KCNH8: variants seen among roughly 807,000 people sequenced by gnomAD.
The protein encoded by KCNH8 is voltage-gated delayed rectifier potassium channel KCNH8.
Under a neutral mutation model 103.6 loss-of-function variants are expected in KCNH8, and 70 were observed. That is an observed-to-expected ratio of 0.68 (90% CI 0.56 to 0.82). The LOEUF is 0.82. KCNH8 is among the 40% of genes least tolerant of loss of function. The pLI is 0.00. For synonymous variants in KCNH8, 498 were observed against 489.4 expected (o/e 1.02, Z -0.23); for missense variants, 1,217 against 1,329.9 (o/e 0.92, Z 1.32).
chr3:19,322,922 A>G (rs2065369176), intron 3 of KCNH8, among the ~76,000 whole-genome samples: 1 of 151,982 alleles, frequency 6.6e-6, no homozygotes, highest in Admixed American at 6.6e-5. Context: ...GGCTTGGGTT[A>G]ATTCAAATGC....
intron 3 of KCNH8, among the ~76,000 whole-genome samples, chr3:19,283,113 T>C (rs2064778681): frequency 6.6e-6 from 1 of 152,110 alleles, no homozygotes. Context: ...AATCAAATTA[T>C]ATTCTTCTTC....
At chr3:19,226,433 G>A (rs1306587604) in intron 1 of KCNH8, among the ~76,000 whole-genome samples, 1 of 152,140 alleles carries the variant, frequency 6.6e-6, no homozygotes, top group African/African-American at 2.4e-5. Context: ...TAATAAGCAA[G>A]GTCATCAGAA....
intron 1 of KCNH8, among the ~76,000 whole-genome samples, chr3:19,226,239 C>G (rs529516665): frequency 6.6e-6 from 1 of 152,196 alleles, no homozygotes; most frequent in Non-Finnish European, 1.5e-5. Flanking sequence ...GTGTCTACTA[C>G]AGTTAGCTAT....
At chr3:19,524,664 G>T (rs1173292301) in intron 15 of KCNH8, among the ~76,000 whole-genome samples, 1 of 151,886 alleles carries the variant, frequency 6.6e-6, no homozygotes, top group Non-Finnish European at 1.5e-5. Context: ...AACTTTTGGA[G>T]ACTGGTTGTT....
chr3:19,216,058 G>A (rs1260037281), intron 1 of KCNH8, among the ~76,000 whole-genome samples: 1 of 152,208 alleles, frequency 6.6e-6, no homozygotes, highest in African/African-American at 2.4e-5. Flanking sequence ...ATGGGTTCAA[G>A]AAACCTAGTT....
intron 1 of KCNH8, among the ~76,000 whole-genome samples, chr3:19,231,246 T>C (rs2063991425): frequency 6.6e-6 from 1 of 152,170 alleles, no homozygotes; most frequent in Admixed American, 6.5e-5. Flanking sequence ...GATTAAAATG[T>C]ACTATGTTTT....
At chr3:19,452,125 C>T (rs1001087319) in intron 10 of KCNH8, among the ~76,000 whole-genome samples, 2 of 152,084 alleles carry the variant, frequency 1.3e-5, no homozygotes, top group South Asian at 4.1e-4. Flanking sequence ...TGGCTCATGC[C>T]TGTAATCCTA....
intron 1 of KCNH8, among the ~76,000 whole-genome samples, chr3:19,233,302 A>G (rs1012302369): frequency 6.6e-6 from 1 of 152,162 alleles, no homozygotes; most frequent in Non-Finnish European, 1.5e-5. Flanking sequence ...TAGAAACATG[A>G]AACAATTGGA....
At position 19,347,865 on chromosome 3, in the gene KCNH8, G is replaced by T; in HGVS notation, c.711G>T (p.Val237=). Residue 237 remains valine, a synonymous_variant, in exon 5 of 16, where the codon GTG becomes GTT. Transcript: ENST00000328405. ...TGTTGGCAACGTTTTATGTTGCTGT[G>T]ACTGTACCTTACAACGTTTGCTTTA... ...LILLATFYVA[V]TVPYNVCFIG... 6.2e-7 allele frequency: 1 copy of T among 1,613,416 alleles called. No homozygotes were observed. The highest frequency in any genetic ancestry group is 2.2e-5 in the East Asian group (1 of 44,848).
chr3:19,188,709 T>G (rs2063524931), intron 1 of KCNH8, among the ~76,000 whole-genome samples: 1 of 152,156 alleles, frequency 6.6e-6, no homozygotes, highest in Non-Finnish European at 1.5e-5. Flanking sequence ...GAATGTTTTA[T>G]GTTAAAATAA....
intron 1 of KCNH8, among the ~76,000 whole-genome samples, chr3:19,229,122 C>T (rs2063965093): frequency 6.6e-6 from 1 of 152,086 alleles, no homozygotes; most frequent in Non-Finnish European, 1.5e-5. Flanking sequence ...TAAGTATTAC[C>T]CATTATTTGA....
chr3:19,234,542 G>A (rs1448950604), intron 1 of KCNH8, among the ~76,000 whole-genome samples: 1 of 152,218 alleles, frequency 6.6e-6, no homozygotes, highest in Non-Finnish European at 1.5e-5. Flanking sequence ...CGAGTGCGGG[G>A]TCCGCGAGCC....
chr3:19,302,499 C>T (rs951504503), intron 3 of KCNH8, among the ~76,000 whole-genome samples: 15 of 152,132 alleles, frequency 9.9e-5, no homozygotes, highest in Non-Finnish European at 2.2e-4. Flanking sequence ...AAGACCATTT[C>T]ATCATGCTTG....
intron 2 of KCNH8, among the ~76,000 whole-genome samples, chr3:19,263,482 G>A (rs1231576035): frequency 6.6e-6 from 1 of 152,096 alleles, no homozygotes; most frequent in Non-Finnish European, 1.5e-5. Flanking sequence ...AAATGCACCT[G>A]TTTGGCAGGT....
chr3:19,176,215 C>T (rs774485929), intron 1 of KCNH8, among the ~76,000 whole-genome samples: 13 of 152,050 alleles, frequency 8.5e-5, no homozygotes, highest in Admixed American at 1.3e-4. Context: ...CTGAAAGAGA[C>T]CTGAATAATT....
At chr3:19,162,303 G>A (rs1284071583) in intron 1 of KCNH8, among the ~76,000 whole-genome samples, 1 of 151,222 alleles carries the variant, frequency 6.6e-6, no homozygotes, top group African/African-American at 2.4e-5. Flanking sequence ...CTTGAGGCCA[G>A]GAGTTCGAGA....
intron 3 of KCNH8, among the ~76,000 whole-genome samples, chr3:19,326,119 G>C (rs2065419909): frequency 6.6e-6 from 1 of 151,994 alleles, no homozygotes; most frequent in African/African-American, 2.4e-5. Flanking sequence ...TTACTCATAA[G>C]TGGGAGCTAA....
At chr3:19,479,387 C>T (rs2068042186) in intron 11 of KCNH8, among the ~76,000 whole-genome samples, 2 of 152,208 alleles carry the variant, frequency 1.3e-5, no homozygotes, top group South Asian at 4.2e-4. Flanking sequence ...ATCATCAGTT[C>T]TTTCATTAAA....
In KCNH8 at chr3:19,533,782, G is replaced by A; in HGVS notation, c.3007G>A (p.Glu1003Lys). Reference protein sequence around the residue: ...YSPSHYQVVQEGHLQFLRCIS... With the variant: ...YSPSHYQVVQKGHLQFLRCIS... ...ACCTTCCCACTACCAGGTTGTCCAA[G>A]AAGGTCATTTGCAATTTTTAAGGTG... is the stretch of plus-strand genomic sequence containing the variant. The change falls in exon 16 of 16, where the codon GAA (glutamate) becomes AAA (lysine). Residue 1003 changes from glutamate (E) to lysine (K), a missense_variant. Transcript: ENST00000328405. 1.2e-6 allele frequency: 2 copies of A among 1,614,182 alleles called. No individual in the cohort carries two copies. The highest frequency in any genetic ancestry group is 8.5e-7 in the Non-Finnish European group (1 of 1,180,014).
Sources: allele counts gnomAD v4.1 joint callset (sites outside exome capture counted in the v4.1 genomes callset), GRCh38; gene constraint gnomAD v4.1.1; transcripts MANE v1.5; gene names NCBI Gene and HGNC (gene_info 2026-07-23, HGNC 2026-07-21).